ACOT1: variants seen among roughly 807,000 people sequenced by gnomAD.
ACOT1 encodes the protein acyl-coenzyme A thioesterase 1.
Under a neutral mutation model 15.7 loss-of-function variants are expected in ACOT1, and 8 were observed. That is an observed-to-expected ratio of 0.51 (90% CI 0.30 to 0.92). The LOEUF (loss-of-function observed/expected upper bound fraction) is 0.92. ACOT1 is among the 40% of genes least tolerant of loss of function. The probability of loss-of-function intolerance (pLI) is 0.06; values close to 1 mark genes in which losing one functional copy is unlikely to be tolerated. For synonymous variants in ACOT1, 67 were observed against 241.2 expected, an observed-to-expected ratio of 0.28 and a Z score of 6.69; for missense variants, 151 against 539.4, an observed-to-expected ratio of 0.28 and a Z score of 7.13.
the ACOT1 span, among the ~76,000 whole-genome samples, chr14:73,505,093 G>C: frequency 2.0e-5 from 3 of 152,070 alleles, no homozygotes; most frequent in Admixed American, 2.0e-4. Flanking sequence ...ACCATGCCCA[G>C]CTAATTAGAG....
the ACOT1 span, among the ~76,000 whole-genome samples, chr14:73,509,811 C>CATATATATATATAT: frequency 5.1e-5 from 1 of 19,494 alleles, no homozygotes; most frequent in Non-Finnish European, 9.0e-5. Flanking sequence ...CCCATGAGCC[C>CATATATATATATAT]ATATATATAT....
the ACOT1 span, chr14:73,500,497 AATG>A: frequency 6.5e-7 from 1 of 1,541,368 alleles, no homozygotes; most frequent in Non-Finnish European, 8.9e-7. Context: ...CAGGGAAGGT[AATG>A]CCCTCTTCAG....
At chr14:73,527,522 T>G in the ACOT1 span, 1 of 147,860 alleles carries the variant, frequency 6.8e-6, no homozygotes. Flanking sequence ...GTTTCTTTAC[T>G]TCTCTAATAA....
At chr14:73,491,527 G>A in the ACOT1 span, 3 of 1,524,120 alleles carry the variant, frequency 2.0e-6, no homozygotes, top group Non-Finnish European at 2.6e-6. Context: ...CGTCGGGGCC[G>A]CAGGTGGATA....
chr14:73,515,074 A>AG, the ACOT1 span, among the ~76,000 whole-genome samples: 1 of 151,822 alleles, frequency 6.6e-6, no homozygotes, highest in Non-Finnish European at 1.5e-5. Context: ...TTCTCAAAAA[A>AG]AAAAAACAAA....
the ACOT1 span, among the ~76,000 whole-genome samples, chr14:73,530,794 A>ATTTTTT: frequency 1.0e-4 from 6 of 57,782 alleles, no homozygotes; most frequent in Non-Finnish European, 1.6e-4. Flanking sequence ...TCTCGGTTAA[A>ATTTTTT]TTTTTTTTTT....
upstream of ACOT1, among the ~76,000 whole-genome samples, chr14:73,533,904 G>C (rs1404736696): frequency 3.6e-4 from 37 of 101,540 alleles, 12 homozygotes; most frequent in Admixed American, 3.8e-3. Context: ...AAAAAAAAAA[G>C]GTTAAAATGA....
the ACOT1 span, among the ~76,000 whole-genome samples, chr14:73,506,802 C>CTTTTTTTTTTTTTTTTTTT: frequency 2.6e-4 from 15 of 58,016 alleles, no homozygotes; most frequent in East Asian, 1.8e-3. Flanking sequence ...CTGACTTTAA[C>CTTTTTTTTTTTTTTTTTTT]TGTTTTTTTT....
the ACOT1 span, chr14:73,523,275 G>A: frequency 3.7e-5 from 35 of 944,762 alleles, no homozygotes; most frequent in African/African-American, 5.6e-4. Context: ...AGCAGAAATT[G>A]GTAGCCCATA....
At chr14:73,500,142 A>G in the ACOT1 span, among the ~76,000 whole-genome samples, 1 of 152,150 alleles carries the variant, frequency 6.6e-6, no homozygotes, top group Non-Finnish European at 1.5e-5. Context: ...AGGCAGGAGA[A>G]TGGCGTGAAC....
At chr14:73,516,658 T>G in the ACOT1 span, among the ~76,000 whole-genome samples, 1 of 152,196 alleles carries the variant, frequency 6.6e-6, no homozygotes, top group African/African-American at 2.4e-5. Flanking sequence ...GCCATGGGCC[T>G]GTACCAGTTC....
At chr14:73,498,217 C>G in the ACOT1 span, 1 of 1,613,982 alleles carries the variant, frequency 6.2e-7, no homozygotes, top group Non-Finnish European at 8.5e-7. Flanking sequence ...TGACCCGGTC[C>G]CCTTGAAGTT....
the ACOT1 span, chr14:73,492,808 G>C: frequency 1.9e-5 from 30 of 1,613,846 alleles, no homozygotes; most frequent in East Asian, 4.5e-4. This position sits in a 1 kb window ranked among gnomAD's most constrained non-coding sequence, Gnocchi z 4.9. Context: ...CCATGGAACT[G>C]TTGCTTGGTT....
At chr14:73,512,384 C>A in the ACOT1 span, among the ~76,000 whole-genome samples, 4 of 152,184 alleles carry the variant, frequency 2.6e-5, no homozygotes, top group Admixed American at 2.0e-4. Flanking sequence ...GTATCTATCT[C>A]TCTTTCTTTA....
the ACOT1 span, chr14:73,493,178 G>A: frequency 6.8e-7 from 1 of 1,470,556 alleles, no homozygotes; most frequent in African/African-American, 1.4e-5. Context: ...CCCTTGATCC[G>A]TGATCATTTC....
the ACOT1 span, among the ~76,000 whole-genome samples, chr14:73,494,460 T>TA: frequency 6.6e-6 from 1 of 152,250 alleles, no homozygotes; most frequent in Non-Finnish European, 1.5e-5. Flanking sequence ...AAATTCTTTT[T>TA]AAAAAAGTTA....
At chr14:73,504,673 G>T in the ACOT1 span, among the ~76,000 whole-genome samples, 44 of 152,194 alleles carry the variant, frequency 2.9e-4, no homozygotes, top group Admixed American at 2.0e-3. Flanking sequence ...TTACTGTACT[G>T]AGTGGCCAGA....
chr14:73,520,950 G>A, the ACOT1 span: 7 of 1,613,892 alleles, frequency 4.3e-6, no homozygotes, highest in African/African-American at 5.3e-5. Context: ...TTGGGGCTGG[G>A]AGAGGCTCGT....
At chr14:73,492,636 C>T in the ACOT1 span, 7 of 1,613,798 alleles carry the variant, frequency 4.3e-6, no homozygotes, top group African/African-American at 8.0e-5. This position sits in a 1 kb window ranked among gnomAD's most constrained non-coding sequence, Gnocchi z 4.9. Context: ...AACGTGGGGG[C>T]CCAGTTGACA....
Sources: gnomAD v4.1 joint callset for allele counts (sites outside exome capture counted in the v4.1 genomes callset) on GRCh38, gnomAD v4.1.1 for gene constraint, Gnocchi (gnomAD v3.1) non-coding constraint, MANE v1.5 for transcripts, NCBI Gene and HGNC (gene_info 2026-07-23, HGNC 2026-07-21) for gene names.